EPHA4: variants seen among roughly 807,000 people sequenced by gnomAD.
The protein encoded by EPHA4 is EPH receptor A4, also known as ephrin type-A receptor 4.
Under a neutral mutation model 108.3 loss-of-function variants are expected in EPHA4, and 19 were observed. The observed-to-expected ratio is 0.18, with a 90% CI of 0.12 to 0.26. The LOEUF (loss-of-function observed/expected upper bound fraction) is 0.26, where lower values mean the gene tolerates loss of function less well. Among genes scored for constraint, EPHA4 ranks in the 10% least tolerant of loss-of-function variants. EPHA4 has a pLI of 1.00. For missense variants in EPHA4, 917 were observed against 1,254.0 expected, an observed-to-expected ratio of 0.73 and a Z score of 4.06; for synonymous variants, 449 against 455.5, an observed-to-expected ratio of 0.99 and a Z score of 0.18.
rs181184579 is a variant in EPHA4, at chr2:221,435,566, G to C, written c.2346+833C>G. 1.9e-3 allele frequency among the ~76,000 whole-genome samples: 287 copies of C among 152,212 alleles called. 1 individual carries two copies. Among genetic ancestry groups the C allele is most frequent in the African/African-American group, 6.7e-3 (280 of 41,532 alleles). ...GATGCAAAATGAAGAGTGTTAAAAGGGGAAAATGGCTGGTAACTGTCAGCT... is the reference window on the plus strand; with the variant it reads ...GATGCAAAATGAAGAGTGTTAAAAGCGGAAAATGGCTGGTAACTGTCAGCT... On this transcript the variant is annotated intron_variant, in intron 13 of 17. Transcript: ENST00000281821.
At chr2:221,462,392 T>C (rs1051838440) in intron 5 of EPHA4, among the ~76,000 whole-genome samples, 1 of 152,078 alleles carries the variant, frequency 6.6e-6, no homozygotes, top group African/African-American at 2.4e-5. Flanking sequence ...TTATTACCCC[T>C]AAGGAGATTT....
At chr2:221,505,689 T>C (rs971505883) in intron 3 of EPHA4, among the ~76,000 whole-genome samples, 11 of 152,170 alleles carry the variant, frequency 7.2e-5, no homozygotes, top group African/African-American at 2.7e-4. Context: ...GCATTATATC[T>C]CTATCAGACA....
chr2:221,464,620 G>A (rs1300121334), intron 5 of EPHA4, among the ~76,000 whole-genome samples: 2 of 152,138 alleles, frequency 1.3e-5, no homozygotes, highest in Non-Finnish European at 2.9e-5. Flanking sequence ...TAGTACAAGA[G>A]TTTATAAAGT....
chr2:221,457,192 C>A (rs1276249419), intron 6 of EPHA4, among the ~76,000 whole-genome samples: 1 of 152,112 alleles, frequency 6.6e-6, no homozygotes, highest in East Asian at 1.9e-4. Context: ...TGTCCCTTTT[C>A]TACTTTTAAT....
intron 3 of EPHA4, among the ~76,000 whole-genome samples, chr2:221,518,527 C>T (rs533334451): frequency 6.6e-6 from 1 of 152,294 alleles, no homozygotes; most frequent in African/African-American, 2.4e-5. Flanking sequence ...CTACTCACCA[C>T]AAATATGTAG....
chr2:221,529,232 A>C (rs1693430400), intron 3 of EPHA4, among the ~76,000 whole-genome samples: 1 of 152,210 alleles, frequency 6.6e-6, no homozygotes, highest in South Asian at 2.1e-4. Context: ...GCACTGAAAA[A>C]TTCCAGGTCT....
At chr2:221,438,286 A>C (rs1397174647) in intron 11 of EPHA4, among the ~76,000 whole-genome samples, 1 of 152,108 alleles carries the variant, frequency 6.6e-6, no homozygotes, top group Non-Finnish European at 1.5e-5. Context: ...TTAGGACATA[A>C]GAACCATTCT....
intron 11 of EPHA4, among the ~76,000 whole-genome samples, chr2:221,441,928 C>G (rs1690441068): frequency 6.6e-6 from 1 of 152,192 alleles, no homozygotes; most frequent in Admixed American, 6.5e-5. Flanking sequence ...CACCCAGCAT[C>G]AGTTTTTCTC....
In EPHA4 at chr2:221,500,018, A is replaced by G. The variant is rs111282916; in HGVS notation, c.979+999T>C. 5.0e-3 allele frequency among the ~76,000 whole-genome samples: 766 copies of G among 151,916 alleles called. 9 individuals carry two copies. Among genetic ancestry groups the G allele is most frequent in the Non-Finnish European group, 4.0e-3 (273 of 67,954 alleles). ...GTGATCCGTCCACCTCAGCCTCCCA[A>G]AGTGCTGGGATTACAGGCGTGAGCC... On this transcript the variant is annotated intron_variant, in intron 4 of 17. Transcript: ENST00000281821.
chr2:221,441,844 C>T (rs1222835817), intron 11 of EPHA4, among the ~76,000 whole-genome samples: 2 of 152,166 alleles, frequency 1.3e-5, no homozygotes, highest in Non-Finnish European at 2.9e-5. Context: ...CAACTGCAGC[C>T]TCAAACTCCT....
intron 3 of EPHA4, among the ~76,000 whole-genome samples, chr2:221,516,237 G>A (rs528507011): frequency 6.6e-6 from 1 of 152,012 alleles, no homozygotes; most frequent in Non-Finnish European, 1.5e-5. Flanking sequence ...AACAATTTAA[G>A]GTTTCTAGGG....
At chr2:221,438,545 T>G (rs1033700423) in intron 11 of EPHA4, among the ~76,000 whole-genome samples, 72 of 152,122 alleles carry the variant, frequency 4.7e-4, no homozygotes, top group Non-Finnish European at 8.7e-4. Flanking sequence ...TCCAGCACTT[T>G]GGGAGGCCGA....
At chr2:221,515,104 T>C (rs1197159234) in intron 3 of EPHA4, among the ~76,000 whole-genome samples, 1 of 152,186 alleles carries the variant, frequency 6.6e-6, no homozygotes. Flanking sequence ...AATTTTTGTT[T>C]GTTTGTTTGA....
rs1236840111 is a variant in EPHA4 at position 221,522,757 on chromosome 2, TATTATTATTA to T, written c.824-21595_824-21586del. Among the ~76,000 whole-genome samples, 396 of 143,128 alleles carry T rather than the reference TATTATTATTA, an allele frequency of 2.8e-3. 2 individuals carry two copies. The highest frequency in any genetic ancestry group is 9.5e-3 in the African/African-American group (373 of 39,362). 93.9% of individuals were successfully genotyped at this position (143,128 alleles called of 152,430 possible). A position where few individuals can be genotyped will look rare whatever the true frequency, so the allele number is the denominator to read the frequency against. On this transcript the variant is annotated intron_variant, in intron 3 of 17. Transcript: ENST00000281821. ...ATCCTATTATTATTATTATTATTATTATTATTATTATTATTATTTTTTTGAGACGGAGTCT... is the reference window on the plus strand; with the variant it reads ...ATCCTATTATTATTATTATTATTATTTTATTATTTTTTTGAGACGGAGTCT...
intron 4 of EPHA4, among the ~76,000 whole-genome samples, chr2:221,488,327 C>T (rs189032855): frequency 6.6e-6 from 1 of 152,140 alleles, no homozygotes; most frequent in Non-Finnish European, 1.5e-5. Context: ...AAAGCTCAGT[C>T]CAGGAACCCC....
rs1234100311 is a variant in EPHA4 at position 221,418,546 on chromosome 2, C to T, written c.*2826G>A. On this transcript the variant is annotated 3_prime_UTR_variant, in exon 18 of 18. Coordinates refer to ENST00000281821, the MANE Select transcript of EPHA4 (RefSeq NM_004438.5). ...ACACATATCCTTCACAGATTGAATA[C>T]AAGAGGTCTCAGAATGCACACACCA... is the stretch of plus-strand genomic sequence containing the variant. 1 of 152,628 alleles carries T rather than the reference C, an allele frequency of 6.6e-6. No homozygotes were observed. Among genetic ancestry groups the T allele is most frequent in the Non-Finnish European group, 1.5e-5 (1 of 68,032 alleles). The allele number at this position is 152,628 out of a possible 1,614,324, so 9.5% of individuals were successfully genotyped here. A position where few individuals can be genotyped will look rare whatever the true frequency, so the allele number is the denominator to read the frequency against.
chr2:221,549,067 T>C (rs560998199), intron 3 of EPHA4, among the ~76,000 whole-genome samples: 1 of 152,292 alleles, frequency 6.6e-6, no homozygotes, highest in Admixed American at 6.5e-5. Context: ...AAAATGCCAG[T>C]GGTGCTCCTT....
At chr2:221,510,486 T>G (rs1348485485) in intron 3 of EPHA4, among the ~76,000 whole-genome samples, 1 of 152,122 alleles carries the variant, frequency 6.6e-6, no homozygotes, top group Non-Finnish European at 1.5e-5. Context: ...CCTCTTACCT[T>G]GGAGGTAGTT....
chr2:221,537,046 T>C (rs1011322112), intron 3 of EPHA4, among the ~76,000 whole-genome samples: 19 of 152,248 alleles, frequency 1.2e-4, no homozygotes, highest in Admixed American at 6.5e-5. Context: ...GAAATCTCTA[T>C]GCCGTGGGAC....
Sources: gnomAD v4.1 joint callset for allele counts (sites outside exome capture counted in the v4.1 genomes callset) on GRCh38, gnomAD v4.1.1 for gene constraint, MANE v1.5 for transcripts, NCBI Gene and HGNC (gene_info 2026-07-23, HGNC 2026-07-21) for gene names.